The following ETV4 variants were observed in gnomAD, a reference collection of about 807,000 sequenced individuals.
The protein encoded by ETV4 is ETS variant transcription factor 4.
ETV4 carries 42 observed loss-of-function variants against 65.9 expected under a neutral mutation model. The ratio of observed to expected loss-of-function variants is 0.64; its 90% confidence interval spans 0.50 to 0.82. The LOEUF (loss-of-function observed/expected upper bound fraction) is 0.82, where lower values mean the gene tolerates loss of function less well. Ranked by LOEUF, ETV4 falls within the 40% of genes least tolerant of loss-of-function variation. The pLI is 0.00. For missense variants in ETV4, 583 were observed against 630.3 expected (o/e 0.92, Z 0.80); for synonymous variants, 238 against 260.0 (o/e 0.92, Z 0.81).
chr17:43,538,440 G>A (rs1375527309), intron 4 of ETV4, among the ~76,000 whole-genome samples: 1 of 152,222 alleles, frequency 6.6e-6, no homozygotes, highest in Non-Finnish European at 1.5e-5. Flanking sequence ...CAGCTAAGGA[G>A]GGGAGGGATT....
intron 6 of ETV4, among the ~76,000 whole-genome samples, chr17:43,533,616 A>T (rs1193325962): frequency 6.6e-6 from 1 of 151,882 alleles, no homozygotes; most frequent in East Asian, 1.9e-4. Flanking sequence ...TTTAGGTGGG[A>T]CAGTGGGCCT....
At chr17:43,545,178 G>C in intron 3 of ETV4, 96 bp downstream of exon 3, 1 of 1,240,680 alleles carries the variant, frequency 8.1e-7, no homozygotes, top group Non-Finnish European at 1.2e-6. Context: ...AAACAGGCGG[G>C]GGTTCCAGAA....
intron 5 of ETV4, among the ~76,000 whole-genome samples, chr17:43,535,099 G>A (rs555818068): frequency 2.6e-5 from 4 of 152,302 alleles, no homozygotes; most frequent in Middle Eastern, 3.4e-3. Flanking sequence ...CTCTGGCCAC[G>A]AGGCTGAGCA....
chr17:43,532,910 CA>C lies in ETV4; in HGVS notation c.574del (p.Cys192AlafsTer67), dbSNP rs2154587100. On this transcript the variant is annotated frameshift_variant, in exon 8 of 13. Transcript: ENST00000319349. LOFTEE classifies it high-confidence loss of function. ...SSVFQQPLDI[C>X]HSFTSQGGGR... is the part of the protein sequence containing the mutation. Reference sequence around the variant, plus strand: ...CCCTCCCTGAGATGTGAAGGAGTGGCAAATGTCCAGGGGCTGCTGGAAGACG... The same window carrying C: ...CCCTCCCTGAGATGTGAAGGAGTGGCAATGTCCAGGGGCTGCTGGAAGACG... The C allele has an allele frequency of 7.6e-6, 12 of 1,588,986 alleles. No homozygotes were observed. The highest frequency in any genetic ancestry group is 8.6e-6 in the Non-Finnish European group (10 of 1,166,018).
At position 43,528,736 on chromosome 17, in the gene ETV4, C is replaced by G. The variant is rs1258214040; in HGVS notation, c.1238G>C (p.Gly413Ala). Residue 413 changes from glycine to alanine, a missense_variant, in exon 13 of 13, where the codon GGT becomes GCT. By Grantham distance (60) the Gly-to-Ala change is moderately conservative. Transcript: ENST00000319349. ...YEKGIMQKVA[G>A]ERYVYKFVCE... ...CACAAACTTGTACACGTAACGCTCA[C>G]CAGCCACCTATGGGGAGAGAGAAGG... is the stretch of plus-strand genomic sequence containing the variant. 1.9e-6 allele frequency: 3 copies of G among 1,613,970 alleles called. No homozygotes were observed. The highest frequency in any genetic ancestry group is 2.5e-6 in the Non-Finnish European group (3 of 1,179,870).
chr17:43,539,242 C>T (rs1204646939), intron 4 of ETV4, among the ~76,000 whole-genome samples: 1 of 152,206 alleles, frequency 6.6e-6, no homozygotes, highest in East Asian at 1.9e-4. Flanking sequence ...GAATCTGCAG[C>T]ACTCTGGTCT....
rs1286472520 is a variant in ETV4 at position 43,532,849 on chromosome 17, C to T, written c.636G>A (p.Gln212=). 3 of 1,613,526 alleles carry T rather than the reference C, an allele frequency of 1.9e-6. No individual in the cohort carries two copies. The highest frequency in any genetic ancestry group is 2.5e-6 in the Non-Finnish European group (3 of 1,179,684). ...GATAGGGTGGGCAGGGCTCCGACAG[C>T]TGGTGTTGGTAGGGGGCTGGGAGGG... ...REPLPAPYQH[Q]LSEPCPPYPQ... Residue 212 remains glutamine, a synonymous_variant, in exon 8 of 13, where the codon CAG becomes CAA. Transcript: ENST00000319349.
chr17:43,532,773 C>T lies in ETV4; in HGVS notation c.712G>A (p.Gly238Ser), dbSNP rs375403418. The T allele has an allele frequency of 1.1e-5, 18 of 1,613,924 alleles. No individual in the cohort carries two copies. Among genetic ancestry groups the T allele is most frequent in the Non-Finnish European group, 1.4e-5 (16 of 1,180,022 alleles). The change falls in exon 8 of 13, where the codon GGC becomes AGC. Residue 238 changes from glycine to serine, a missense_variant. Gly to Ser is a moderately conservative substitution (Grantham distance 56). Coordinates refer to ENST00000319349, the MANE Select transcript of ETV4 (RefSeq NM_001079675.5). ...EYHDPLYEQA[G>S]QPAVDQGGVN... ...CCACCCTGGTCCACGGCTGGCTGGC[C>T]CGCCTGTTCATACAGGGGATCATGG...
At chr17:43,541,283 CAGG>C (rs1427128113) in intron 4 of ETV4, among the ~76,000 whole-genome samples, 2 of 152,218 alleles carry the variant, frequency 1.3e-5, no homozygotes, top group African/African-American at 2.4e-5. Context: ...TCCTGGAGAG[CAGG>C]AGAATTTTTA....
At chr17:43,545,461 G>T in intron 2 of ETV4, 94 bp from the exon 3 acceptor site, 3 of 1,207,644 alleles carry the variant, frequency 2.5e-6, no homozygotes, top group Non-Finnish European at 3.3e-6. Context: ...GGGCGGGGCA[G>T]CCCAGGACTC....
At chr17:43,529,782 C>A in intron 10 of ETV4, 102 bp downstream of exon 10, 1 of 1,597,430 alleles carries the variant, frequency 6.3e-7, no homozygotes, top group Non-Finnish European at 8.6e-7. Context: ...AGGTACTTTT[C>A]TATGGGTCCC....
intron 4 of ETV4, among the ~76,000 whole-genome samples, chr17:43,536,974 T>G (rs1190753270): frequency 1.3e-5 from 2 of 152,250 alleles, no homozygotes; most frequent in Non-Finnish European, 2.9e-5. Context: ...TGAAACAGCC[T>G]CGCCCCTCAG....
chr17:43,538,144 A>C (rs2154587198), intron 4 of ETV4, among the ~76,000 whole-genome samples: 1 of 150,782 alleles, frequency 6.6e-6, no homozygotes, highest in Non-Finnish European at 1.5e-5. Context: ...CCATTTCAAA[A>C]AAAAAAAAAA....
intron 4 of ETV4, among the ~76,000 whole-genome samples, chr17:43,537,557 G>A (rs574816064): frequency 2.0e-5 from 3 of 151,384 alleles, no homozygotes; most frequent in Non-Finnish European, 4.4e-5. Context: ...TTAGTCAGGC[G>A]TGGCGGTGGG....
At chr17:43,545,401 C>G in intron 2 of ETV4, 34 bp from the exon 3 acceptor site, 9 of 1,532,144 alleles carry the variant, frequency 5.9e-6, no homozygotes, top group Non-Finnish European at 8.0e-6. Context: ...CGCGAGTCAC[C>G]CTGAGGCGCT....
intron 4 of ETV4, among the ~76,000 whole-genome samples, chr17:43,543,231 T>A (rs1041146241): frequency 1.0e-4 from 7 of 70,032 alleles, no homozygotes; most frequent in African/African-American, 3.3e-4. Context: ...CCCCACCCAC[T>A]GGATTTAAAT....
At position 43,530,027 on chromosome 17, in the gene ETV4, T is replaced by A. The variant is rs535722321; in HGVS notation, c.887-75A>T. The A allele has an allele frequency of 3.2e-4, 522 of 1,609,802 alleles. 1 individual carries two copies. Among genetic ancestry groups the A allele is most frequent in the Middle Eastern group, 5.0e-4 (3 of 6,048 alleles). ...ACCCCAGAGAGTCCAGAGGGACTCC[T>A]GGCCAGGGAGACCCTCCCCCATGGC... On this transcript the variant is annotated intron_variant, in intron 9 of 12. Coordinates refer to ENST00000319349, the MANE Select transcript of ETV4 (RefSeq NM_001079675.5).
At chr17:43,531,701 AAAAC>A (rs1487595097) in intron 8 of ETV4, among the ~76,000 whole-genome samples, 3 of 152,210 alleles carry the variant, frequency 2.0e-5, no homozygotes, top group Non-Finnish European at 2.9e-5. Flanking sequence ...ACTCTGTCTC[AAAAC>A]AAACAAAACA....
At chr17:43,535,098 C>T (rs988215356) in intron 5 of ETV4, among the ~76,000 whole-genome samples, 5 of 152,142 alleles carry the variant, frequency 3.3e-5, no homozygotes, top group African/African-American at 9.7e-5. Flanking sequence ...ACTCTGGCCA[C>T]GAGGCTGAGC....
Sources: gnomAD v4.1 joint callset for allele counts (sites outside exome capture counted in the v4.1 genomes callset) on GRCh38, gnomAD v4.1.1 for gene constraint, MANE v1.5 for transcripts, NCBI Gene and HGNC (gene_info 2026-07-23, HGNC 2026-07-21) for gene names.